DAP3: variants seen among roughly 807,000 people sequenced by gnomAD.
DAP3 encodes death associated protein 3, also known as small ribosomal subunit protein mS29.
Under a neutral mutation model 51.9 loss-of-function variants are expected in DAP3, and 28 were observed. The ratio of observed to expected loss-of-function variants is 0.54; its 90% confidence interval spans 0.40 to 0.74. The LOEUF (loss-of-function observed/expected upper bound fraction) is 0.74. Among genes scored for constraint, DAP3 ranks in the 30% least tolerant of loss-of-function variants. DAP3 has a pLI of 0.00. For synonymous variants in DAP3, 170 were observed against 170.3 expected (o/e 1.00, Z 0.01); for missense variants, 458 against 483.5 (o/e 0.95, Z 0.49).
upstream of DAP3, chr1:155,688,732 CCAACCGCCGCCAAAG>C (rs1653144536): frequency 2.6e-6 from 4 of 1,518,212 alleles, no homozygotes; most frequent in Non-Finnish European, 3.5e-6. Context: ...CGCACGGCCA[CCAACCGCCGCCAAAG>C]CAGCCGCCGC....
At chr1:155,714,008 T>A (rs571725408) in intron 2 of DAP3, among the ~76,000 whole-genome samples, 2 of 152,278 alleles carry the variant, frequency 1.3e-5, no homozygotes, top group African/African-American at 2.4e-5. Flanking sequence ...ACTGAGGATG[T>A]GACATTCGAG....
chr1:155,738,054 C>A, intron 12 of DAP3, 103 bp from the exon 13 acceptor site: 1 of 1,082,480 alleles, frequency 9.2e-7, no homozygotes, highest in Non-Finnish European at 1.4e-6. Flanking sequence ...ATAATTACCT[C>A]AGAACGTAAT....
At chr1:155,710,638 A>C (rs397832420) in intron 2 of DAP3, 1 of 152,112 alleles carries the variant, frequency 6.6e-6, no homozygotes, top group South Asian at 2.1e-4. Context: ...ACACTAAGTG[A>C]TTTATTTTTT....
intron 1 of DAP3, among the ~76,000 whole-genome samples, chr1:155,702,151 TAA>T (rs71080722): frequency 1.7e-4 from 17 of 101,658 alleles, no homozygotes; most frequent in East Asian, 2.3e-4. Context: ...ATTCTGCCTA[TAA>T]AAAAAAAAAA....
chr1:155,734,344 CT>C (rs372867843), intron 11 of DAP3, among the ~76,000 whole-genome samples: 215 of 144,986 alleles, frequency 1.5e-3, no homozygotes, highest in African/African-American at 1.6e-3. Flanking sequence ...CTTTTCTTTC[CT>C]TTTTTTTTTT....
At chr1:155,725,323 C>T in intron 4 of DAP3, 59 bp from the exon 5 acceptor site, 1 of 1,472,690 alleles carries the variant, frequency 6.8e-7, no homozygotes, top group Non-Finnish European at 9.5e-7. Flanking sequence ...GTATATATAC[C>T]ACCCCCCACC....
intron 1 of DAP3, among the ~76,000 whole-genome samples, chr1:155,692,908 T>C (rs1465544518): frequency 7.0e-6 from 1 of 142,196 alleles, no homozygotes. Flanking sequence ...TTTTGAGGAA[T>C]TCTTTTGCCA....
intron 10 of DAP3, 91 bp downstream of exon 10, chr1:155,731,506 C>A: frequency 7.6e-7 from 1 of 1,322,628 alleles, no homozygotes; most frequent in Non-Finnish European, 1.1e-6. Flanking sequence ...ACTTTACAGT[C>A]TCTAATTTTA....
At chr1:155,688,132 G>C (rs1652816267), upstream of DAP3, 1 of 1,612,680 alleles carries the variant, frequency 6.2e-7, no homozygotes, top group Non-Finnish European at 8.5e-7. Flanking sequence ...TGGCCGCCAG[G>C]CTCCTCCGCT....
At chr1:155,715,925 C>T (rs1476427803) in intron 2 of DAP3, among the ~76,000 whole-genome samples, 1 of 152,106 alleles carries the variant, frequency 6.6e-6, no homozygotes, top group Non-Finnish European at 1.5e-5. Flanking sequence ...TATTCCAGGG[C>T]ACAATTAGCA....
chr1:155,729,285 T>C lies in DAP3; in HGVS notation c.762T>C (p.Gly254=). Residue 254 remains glycine, a synonymous_variant, in exon 9 of 13, where the codon GGT becomes GGC. Transcript: ENST00000368336. ...AGCTAAAGAGGCAAAGTTCTTTGGGTATGTTTCACCTCCTAGTGGCCGTGG... is the reference window on the plus strand; with the variant it reads ...AGCTAAAGAGGCAAAGTTCTTTGGGCATGTTTCACCTCCTAGTGGCCGTGG... ...LKELKRQSSL[G]MFHLLVAVDG... is the part of the protein sequence containing the mutation. 6.2e-7 allele frequency: 1 copy of C among 1,614,150 alleles called. No homozygotes were observed. Among genetic ancestry groups the C allele is most frequent in the Non-Finnish European group, 8.5e-7 (1 of 1,180,030 alleles).
chr1:155,706,904 C>A (rs558006273), intron 1 of DAP3, among the ~76,000 whole-genome samples: 4 of 152,028 alleles, frequency 2.6e-5, no homozygotes, highest in African/African-American at 9.6e-5. Context: ...ACCAGCCTGG[C>A]CAACATGGTG....
At chr1:155,695,588 C>T (rs890081046) in intron 1 of DAP3, among the ~76,000 whole-genome samples, 14 of 152,092 alleles carry the variant, frequency 9.2e-5, no homozygotes, top group Admixed American at 2.0e-4. Flanking sequence ...AGGAAAATCC[C>T]GAGCACACAC....
intron 5 of DAP3, 94 bp downstream of exon 5, chr1:155,725,584 C>A: frequency 8.3e-7 from 1 of 1,202,258 alleles, no homozygotes. Flanking sequence ...CTGTTGAGGC[C>A]GGGCATGGTA....
At chr1:155,702,651 G>C (rs1052242585) in intron 1 of DAP3, among the ~76,000 whole-genome samples, 3 of 151,976 alleles carry the variant, frequency 2.0e-5, no homozygotes, top group Non-Finnish European at 4.4e-5. Context: ...TTTCCTCATT[G>C]AATTGTCTTG....
At chr1:155,689,434 C>A (rs1447145413) in intron 1 of DAP3, 2 of 466,686 alleles carry the variant, frequency 4.3e-6, no homozygotes, top group Non-Finnish European at 8.5e-6. Context: ...GACGCACTTA[C>A]TCATGGATGG....
intron 10 of DAP3, 59 bp downstream of exon 10, chr1:155,731,474 G>T: frequency 6.5e-7 from 1 of 1,537,150 alleles, no homozygotes; most frequent in Non-Finnish European, 9.0e-7. Flanking sequence ...TTTTAAACAT[G>T]TTCTACTATT....
chr1:155,705,574 T>C (rs1655858214), intron 1 of DAP3, among the ~76,000 whole-genome samples: 1 of 134,734 alleles, frequency 7.4e-6, no homozygotes, highest in Admixed American at 7.9e-5. Context: ...TTGCACCCCA[T>C]CCTGGGCAAT....
upstream of DAP3, chr1:155,688,813 GAC>G (rs1653180576): frequency 1.9e-6 from 3 of 1,563,656 alleles, no homozygotes; most frequent in African/African-American, 1.4e-5. Flanking sequence ...CCCACCGCGG[GAC>G]TGTTCCATTC....
Sources: allele counts gnomAD v4.1 joint callset (sites outside exome capture counted in the v4.1 genomes callset), GRCh38; gene constraint gnomAD v4.1.1; transcripts MANE v1.5; gene names NCBI Gene and HGNC (gene_info 2026-07-23, HGNC 2026-07-21).